Variants in SGCD observed in about 807,000 individuals in gnomAD.
SGCD encodes sarcoglycan delta.
SGCD carries 18 observed loss-of-function variants against 36.6 expected under a neutral mutation model. That is an observed-to-expected ratio of 0.49 (90% CI 0.34 to 0.73). SGCD has a LOEUF of 0.73. Among genes scored for constraint, SGCD ranks in the 30% least tolerant of loss-of-function variants. The pLI is 0.01. For missense variants in SGCD, 387 were observed against 346.7 expected (o/e 1.12, Z -0.92); for synonymous variants, 133 against 130.6 (o/e 1.02, Z -0.12).
chr5:155,948,388 G>A (rs1757483705), intron 1 of SGCD, among the ~76,000 whole-genome samples: 2 of 152,116 alleles, frequency 1.3e-5, no homozygotes, highest in South Asian at 4.2e-4. Context: ...TGGCCAAGTC[G>A]GAAGCAGGTA....
chr5:156,642,040 A>G (rs972494610), intron 6 of SGCD, among the ~76,000 whole-genome samples: 3 of 152,158 alleles, frequency 2.0e-5, no homozygotes, highest in African/African-American at 7.2e-5. Context: ...GGGTGTCAGC[A>G]TGGTCAGGTT....
chr5:155,897,981 A>G (rs537337558), intron 1 of SGCD, among the ~76,000 whole-genome samples: 1 of 152,374 alleles, frequency 6.6e-6, no homozygotes, highest in African/African-American at 2.4e-5. Context: ...TACATAGCAG[A>G]TGCTCAACAA....
intron 7 of SGCD, among the ~76,000 whole-genome samples, chr5:156,656,154 C>A (rs1187551119): frequency 6.6e-6 from 1 of 152,126 alleles, no homozygotes; most frequent in East Asian, 1.9e-4. Flanking sequence ...TAAAAGAATT[C>A]TTCATGTTCA....
intron 1 of SGCD, among the ~76,000 whole-genome samples, chr5:155,938,544 A>T (rs894845383): frequency 4.6e-5 from 7 of 152,116 alleles, no homozygotes; most frequent in African/African-American, 1.7e-4. Flanking sequence ...CAGTGTATTG[A>T]AATATAGATG....
intron 1 of SGCD, among the ~76,000 whole-genome samples, chr5:156,045,393 T>C (rs1056172153): frequency 2.0e-5 from 3 of 152,170 alleles, no homozygotes; most frequent in African/African-American, 4.8e-5. Flanking sequence ...CGTTCCAATA[T>C]ATTTTTATCT....
chr5:155,751,381 T>C, the SGCD span, among the ~76,000 whole-genome samples: 9 of 152,158 alleles, frequency 5.9e-5, no homozygotes, highest in African/African-American at 1.9e-4. Flanking sequence ...TTGTGTGCGT[T>C]TGTGGCATAG....
chr5:156,394,720 G>T (rs570001051), intron 3 of SGCD, among the ~76,000 whole-genome samples: 1 of 152,128 alleles, frequency 6.6e-6, no homozygotes, highest in East Asian at 1.9e-4. Context: ...AAATTAAAAC[G>T]TTTGTGTTTT....
chr5:156,273,231 C>T (rs969469832), intron 3 of SGCD, among the ~76,000 whole-genome samples: 5 of 152,174 alleles, frequency 3.3e-5, no homozygotes, highest in African/African-American at 1.2e-4. Flanking sequence ...TCTTCCCTTA[C>T]CATTCCCTTA....
intron 3 of SGCD, among the ~76,000 whole-genome samples, chr5:156,158,059 CTTT>C (rs201396924): frequency 7.0e-6 from 1 of 142,828 alleles, no homozygotes. Flanking sequence ...TGGTTTTTTG[CTTT>C]TTTTTTTTGC....
chr5:155,974,893 C>T (rs1758078920), intron 1 of SGCD, among the ~76,000 whole-genome samples: 1 of 152,044 alleles, frequency 6.6e-6, no homozygotes, highest in African/African-American at 2.4e-5. Flanking sequence ...AACCCCCCAT[C>T]CTCTGGGCAG....
intron 3 of SGCD, among the ~76,000 whole-genome samples, chr5:156,199,789 G>C (rs1368203396): frequency 2.0e-5 from 3 of 151,892 alleles, no homozygotes; most frequent in Non-Finnish European, 4.4e-5. Flanking sequence ...CATGTATTTG[G>C]TGCTTTATTG....
At chr5:156,483,443 C>A (rs988823220) in intron 3 of SGCD, among the ~76,000 whole-genome samples, 5 of 152,176 alleles carry the variant, frequency 3.3e-5, no homozygotes, top group African/African-American at 1.2e-4. Context: ...TTGCAGCTGA[C>A]ACAGTACACA....
rs141614129 is a variant in SGCD, at chr5:156,354,937, T to G, written c.192+10260T>G. On this transcript the variant is annotated intron_variant, in intron 3 of 8. Coordinates refer to ENST00000337851, the MANE Select transcript of SGCD (RefSeq NM_000337.6). The stretch of plus-strand genomic sequence containing the variant: ...ATCAGTTGGTTTGCCTGAGAATCAT[T>G]AGTTAAGATTTCTAGGTTCAGAGTT... Among the ~76,000 whole-genome samples the G allele has an allele frequency of 2.6e-3, 392 of 152,316 alleles. 1 individual carries two copies. The highest frequency in any genetic ancestry group is 9.2e-3 in the African/African-American group (382 of 41,564).
chr5:156,649,996 A>G (rs1419046692), intron 7 of SGCD, among the ~76,000 whole-genome samples: 2 of 152,120 alleles, frequency 1.3e-5, no homozygotes, highest in African/African-American at 4.8e-5. Context: ...TTTAAGCGGT[A>G]AAGTAAATCT....
intron 1 of SGCD, among the ~76,000 whole-genome samples, chr5:156,012,410 A>G (rs1336898714): frequency 6.6e-6 from 1 of 152,146 alleles, no homozygotes; most frequent in Admixed American, 6.5e-5. Flanking sequence ...GATAATTGTC[A>G]TTTTAGAATA....
At chr5:155,727,945 C>T in the SGCD span, among the ~76,000 whole-genome samples, 1 of 152,316 alleles carries the variant, frequency 6.6e-6, no homozygotes, top group Non-Finnish European at 1.5e-5. Context: ...GTCCCCTTGG[C>T]GGAGACACGT....
In SGCD at chr5:156,308,421, C is replaced by T. The variant is rs151050966; in HGVS notation, c.-43-21113C>T. 2.7e-3 allele frequency among the ~76,000 whole-genome samples: 416 copies of T among 152,140 alleles called. 4 individuals are homozygous for T. The highest frequency in any genetic ancestry group is 9.4e-3 in the African/African-American group (389 of 41,528). ...TCACGCCATTCTGCTGCCTCAGCCT[C>T]CCGAGTAGCTGGGACTACAGGTGTC... On this transcript the variant is annotated intron_variant, in intron 3 of 9. Transcript: ENST00000517913.
chr5:156,113,925 A>C (rs2127600314), intron 1 of SGCD, among the ~76,000 whole-genome samples: 1 of 152,264 alleles, frequency 6.6e-6, no homozygotes, highest in South Asian at 2.1e-4. Flanking sequence ...TCTGTATGCT[A>C]TGCGATTCCA....
chr5:156,650,981 C>A (rs415118), intron 7 of SGCD, among the ~76,000 whole-genome samples: 119,606 of 152,050 alleles, frequency 0.79, 48,065 homozygotes, highest in South Asian at 0.91. Flanking sequence ...TCACCAACAT[C>A]TGTTGTTTCT....
Sources: gnomAD v4.1 joint callset for allele counts (sites outside exome capture counted in the v4.1 genomes callset) on GRCh38, gnomAD v4.1.1 for gene constraint, MANE v1.5 for transcripts, NCBI Gene and HGNC (gene_info 2026-07-23, HGNC 2026-07-21) for gene names.